Variants in KBTBD11 observed in about 807,000 individuals in gnomAD.
The protein encoded by KBTBD11 is kelch repeat and BTB domain-containing protein 11.
For missense variants in KBTBD11, 1,390 were observed against 1,001.8 expected (o/e 1.39, Z -5.23); for synonymous variants, 747 against 499.0 (o/e 1.50, Z -6.63).
chr8:2,002,876 A>G lies in KBTBD11; in HGVS notation c.1684A>G (p.Ile562Val), dbSNP rs1456147889. Residue 562 changes from isoleucine to valine, a missense_variant, in exon 2 of 2, where the codon ATC becomes GTC. Physicochemically the swap from Ile to Val is conservative, Grantham distance 29. Transcript: ENST00000320248. This position sits in a 1 kb window ranked among gnomAD's most constrained non-coding sequence, Gnocchi z 4.1. ...CCGCTGCGCCGCCCTGGACGGCGCCATCTACTGCGTGAGCCGCGCGGGCAC... is the reference window on the plus strand; with the variant it reads ...CCGCTGCGCCGCCCTGGACGGCGCCGTCTACTGCGTGAGCCGCGCGGGCAC... ...PFRCAALDGA[I>V]YCVSRAGTWR... 3 of 1,344,402 alleles carry G rather than the reference A, an allele frequency of 2.2e-6. No individual in the cohort carries two copies. Among genetic ancestry groups the G allele is most frequent in the Non-Finnish European group, 2.8e-6 (3 of 1,054,138 alleles). 83.3% of individuals were successfully genotyped at this position (1,344,402 alleles called of 1,614,324 possible). A position where few individuals can be genotyped will look rare whatever the true frequency, so the allele number is the denominator to read the frequency against.
intron 1 of KBTBD11, among the ~76,000 whole-genome samples, chr8:1,982,420 C>A (rs1816567899): frequency 6.6e-6 from 1 of 152,150 alleles, no homozygotes; most frequent in Non-Finnish European, 1.5e-5. Flanking sequence ...TTACCTTGAA[C>A]ATAAATGCAT....
At chr8:1,993,451 A>T (rs1386804270) in intron 1 of KBTBD11, among the ~76,000 whole-genome samples, 1 of 149,278 alleles carries the variant, frequency 6.7e-6, no homozygotes, top group Non-Finnish European at 1.5e-5. Context: ...CCATCTATCC[A>T]TCCAATCACC....
Position 2,000,906 on chromosome 8 carries a change from A to C in KBTBD11, c.-287A>C. The C allele has an allele frequency of 2.8e-6, 1 of 360,604 alleles. No homozygotes were observed. The allele number at this position is 360,604 out of a possible 1,614,324, so 22.3% of individuals were successfully genotyped here. On this transcript the variant is annotated 5_prime_UTR_variant, in exon 2 of 2. Coordinates refer to ENST00000320248, the MANE Select transcript of KBTBD11 (RefSeq NM_014867.3). The stretch of plus-strand genomic sequence containing the variant: ...CCTGGCGCCAGCTGGAGATCCATTC[A>C]CCAAGACTTTCTGGGCAGATTTAAA...
rs1429879482 is a variant in KBTBD11, at chr8:2,004,909, G to T, written c.*1845G>T. ...CTTTTCCTCTAGAATTTTATTAATGGTAGAAATTTTTATATGAAATGGGAC... is the reference window on the plus strand; with the variant it reads ...CTTTTCCTCTAGAATTTTATTAATGTTAGAAATTTTTATATGAAATGGGAC... On this transcript the variant is annotated 3_prime_UTR_variant, in exon 2 of 2. Coordinates refer to ENST00000320248, the MANE Select transcript of KBTBD11 (RefSeq NM_014867.3). 1 of 167,038 alleles carries T rather than the reference G, an allele frequency of 6.0e-6. No homozygotes were observed. The highest frequency in any genetic ancestry group is 1.9e-4 in the East Asian group (1 of 5,204). 10.3% of individuals were successfully genotyped at this position (167,038 alleles called of 1,614,324 possible).
Position 2,003,156 on chromosome 8 carries a change from G to T in KBTBD11, c.*92G>T, listed in dbSNP as rs984807120. ...GGAGGAGGACGTGGTGGGGAGTCGG[G>T]GCCGCTGGCCACGCTGGTGGTTTGG... On this transcript the variant is annotated 3_prime_UTR_variant, in exon 2 of 2. Transcript: ENST00000320248. 1.6e-6 allele frequency: 2 copies of T among 1,246,922 alleles called. No individual in the cohort carries two copies. Among genetic ancestry groups the T allele is most frequent in the Middle Eastern group, 3.1e-4 (1 of 3,204 alleles). 77.2% of individuals were successfully genotyped at this position (1,246,922 alleles called of 1,614,324 possible).
intron 1 of KBTBD11, among the ~76,000 whole-genome samples, chr8:1,993,282 G>A (rs936918334): frequency 6.6e-6 from 1 of 151,956 alleles, no homozygotes; most frequent in Non-Finnish European, 1.5e-5. Context: ...AGTTACCATT[G>A]TTTTAGTTTC....
At chr8:1,995,117 C>T (rs532659596) in intron 1 of KBTBD11, among the ~76,000 whole-genome samples, 5 of 150,436 alleles carry the variant, frequency 3.3e-5, no homozygotes, top group Non-Finnish European at 7.4e-5. Flanking sequence ...TGTGGTGGGA[C>T]AGACACTCTA....
chr8:1,990,075 A>AT (rs1013447283), intron 1 of KBTBD11, among the ~76,000 whole-genome samples: 1 of 152,042 alleles, frequency 6.6e-6, no homozygotes, highest in African/African-American at 2.4e-5. Context: ...TGCATTGAGC[A>AT]TTTTTTCATT....
chr8:1,994,315 G>A lies in KBTBD11; in HGVS notation c.-908-5970G>A, dbSNP rs114927904. 2.3e-3 allele frequency among the ~76,000 whole-genome samples: 347 copies of A among 152,330 alleles called. 2 individuals carry two copies. Among genetic ancestry groups the A allele is most frequent in the South Asian group, 0.021 (102 of 4,834 alleles). ...CTGCTGCGTCAATGCTCAGAACTGCGCAGAGCACCCTGACTTGCTTGGATT... is the reference window on the plus strand; with the variant it reads ...CTGCTGCGTCAATGCTCAGAACTGCACAGAGCACCCTGACTTGCTTGGATT... On this transcript the variant is annotated intron_variant, in intron 1 of 1. Coordinates refer to ENST00000320248, the MANE Select transcript of KBTBD11 (RefSeq NM_014867.3).
chr8:1,998,155 G>A (rs966715174), intron 1 of KBTBD11, among the ~76,000 whole-genome samples: 3 of 152,184 alleles, frequency 2.0e-5, no homozygotes, highest in Admixed American at 1.3e-4. Context: ...TGGGGTTTTG[G>A]GAGTTGAAAT....
intron 1 of KBTBD11, among the ~76,000 whole-genome samples, chr8:1,993,537 C>A (rs559208817): frequency 2.0e-5 from 1 of 50,088 alleles, no homozygotes; most frequent in Non-Finnish European, 4.4e-5. Flanking sequence ...ATCCACCCAC[C>A]CACCCACCCA....
intron 1 of KBTBD11, among the ~76,000 whole-genome samples, chr8:1,997,939 ATG>A (rs139752876): frequency 6.6e-5 from 10 of 152,286 alleles, no homozygotes; most frequent in African/African-American, 1.7e-4. Flanking sequence ...CAATTTAATA[ATG>A]TGTGTGTGTT....
intron 1 of KBTBD11, among the ~76,000 whole-genome samples, chr8:1,980,968 G>A (rs997800860): frequency 6.6e-6 from 1 of 152,214 alleles, no homozygotes; most frequent in African/African-American, 2.4e-5. Context: ...TTCTCAGCTT[G>A]TTTCATATGT....
At chr8:1,983,716 T>C (rs1011111246) in intron 1 of KBTBD11, among the ~76,000 whole-genome samples, 1 of 152,264 alleles carries the variant, frequency 6.6e-6, no homozygotes, top group Non-Finnish European at 1.5e-5. Context: ...AGACCATGAA[T>C]GTTGAAATGT....
chr8:1,973,983 G>A (rs904818324), intron 1 of KBTBD11, 48 bp downstream of exon 1: 42 of 982,136 alleles, frequency 4.3e-5, no homozygotes, highest in South Asian at 9.3e-5. Context: ...CGGGCGGAGC[G>A]GGAAGCAGCC....
intron 1 of KBTBD11, among the ~76,000 whole-genome samples, chr8:1,975,607 TCTAA>T (rs1162781539): frequency 6.6e-6 from 1 of 152,212 alleles, no homozygotes; most frequent in Non-Finnish European, 1.5e-5. Context: ...GATGAAGTTA[TCTAA>T]CTATCATTTC....
intron 1 of KBTBD11, among the ~76,000 whole-genome samples, chr8:1,993,066 C>T (rs1048760681): frequency 5.3e-5 from 8 of 152,056 alleles, no homozygotes; most frequent in Non-Finnish European, 5.9e-5. Context: ...CAGCTTCCCG[C>T]GTAGCTAGGG....
chr8:1,986,567 G>A (rs984570605), intron 1 of KBTBD11, among the ~76,000 whole-genome samples: 5 of 152,108 alleles, frequency 3.3e-5, no homozygotes, highest in Admixed American at 2.0e-4. Flanking sequence ...TTAGATTCCC[G>A]TATTTCCACT....
At position 1,988,700 on chromosome 8, in the gene KBTBD11, C is replaced by G. The variant is rs147004535; in HGVS notation, c.-908-11585C>G. On this transcript the variant is annotated intron_variant, in intron 1 of 1. Coordinates refer to ENST00000320248, the MANE Select transcript of KBTBD11 (RefSeq NM_014867.3). ...GAATCCATTCAAACGTGTGCAGTGG[C>G]TCAACGCTTGCCTTCTGCACTGAGG... Among the ~76,000 whole-genome samples, 328 of 152,314 alleles carry G rather than the reference C, an allele frequency of 2.2e-3. 2 individuals are homozygous for G. The highest frequency in any genetic ancestry group is 0.021 in the South Asian group (100 of 4,830).
Sources: allele counts gnomAD v4.1 joint callset (sites outside exome capture counted in the v4.1 genomes callset), GRCh38; gene constraint gnomAD v4.1.1; non-coding constraint Gnocchi (gnomAD v3.1); transcripts MANE v1.5; gene names NCBI Gene and HGNC (gene_info 2026-07-23, HGNC 2026-07-21).